Variants in LRBA observed in about 807,000 individuals in gnomAD.
LRBA encodes lipopolysaccharide-responsive and beige-like anchor protein.
In LRBA, 176 loss-of-function variants were observed where a neutral mutation model predicts 330.0. The ratio of observed to expected loss-of-function variants is 0.53; its 90% CI spans 0.47 to 0.60. LRBA has a LOEUF of 0.60. Ranked by LOEUF, LRBA falls within the 20% of genes least tolerant of loss-of-function variation. The pLI is 0.00. For missense variants in LRBA, 3,259 were observed against 3,444.8 expected (o/e 0.95, Z 1.35); for synonymous variants, 1,230 against 1,193.0 (o/e 1.03, Z -0.64).
chr4:150,903,592 T>C (rs1470669789), intron 13 of LRBA, among the ~76,000 whole-genome samples: 1 of 151,762 alleles, frequency 6.6e-6, no homozygotes, highest in Non-Finnish European at 1.5e-5. Flanking sequence ...ATACAAAAAT[T>C]AGCTGTGTGT....
chr4:150,608,765 T>C (rs2126563029), intron 37 of LRBA, among the ~76,000 whole-genome samples: 1 of 152,324 alleles, frequency 6.6e-6, no homozygotes, highest in Middle Eastern at 3.4e-3. Flanking sequence ...ACATCTTCCC[T>C]TCCTCCCAGC....
At chr4:150,532,904 A>C (rs1764197886) in intron 40 of LRBA, among the ~76,000 whole-genome samples, 1 of 152,166 alleles carries the variant, frequency 6.6e-6, no homozygotes, top group South Asian at 2.1e-4. Flanking sequence ...AAATACTGAG[A>C]GGAAAAAAAC....
chr4:150,758,572 C>CTTTTTTT (rs35416240), intron 35 of LRBA, among the ~76,000 whole-genome samples: 1 of 117,042 alleles, frequency 8.5e-6, no homozygotes, highest in African/African-American at 2.9e-5. Context: ...ATCTCTTTGT[C>CTTTTTTT]TTTTTTTTTT....
intron 17 of LRBA, among the ~76,000 whole-genome samples, chr4:150,883,253 G>A (rs555479438): frequency 6.6e-6 from 1 of 152,226 alleles, no homozygotes; most frequent in Admixed American, 6.5e-5. Flanking sequence ...TTGAGGTCAG[G>A]AGATCAAGAC....
At chr4:150,813,493 TAC>T (rs1744098410) in intron 31 of LRBA, among the ~76,000 whole-genome samples, 2 of 152,136 alleles carry the variant, frequency 1.3e-5, no homozygotes, top group Non-Finnish European at 2.9e-5. Flanking sequence ...GTATGTTAAT[TAC>T]AGTCTTAATA....
At chr4:150,382,035 G>C (rs928081737) in intron 47 of LRBA, among the ~76,000 whole-genome samples, 1 of 152,090 alleles carries the variant, frequency 6.6e-6, no homozygotes, top group Non-Finnish European at 1.5e-5. Flanking sequence ...AGTTGTAAGA[G>C]TCCCTTATAT....
In LRBA at chr4:150,431,712, A is replaced by G. The variant is rs1430041654; in HGVS notation, c.7041+3877T>C. On this transcript the variant is annotated intron_variant, in intron 46 of 56. Transcript: ENST00000651943. ...TCATTTAATTACATAAGTGGCTTAT[A>G]TTTGTGGTTTGTATTATATTTCCAT... Among the ~76,000 whole-genome samples, 3 of 152,266 alleles carry G rather than the reference A, an allele frequency of 2.0e-5. No individual in the cohort carries two copies. In the East Asian group the frequency reaches 5.8e-4, roughly 29 times the overall value.
At chr4:150,606,345 C>G (rs537027933) in intron 37 of LRBA, among the ~76,000 whole-genome samples, 1 of 152,036 alleles carries the variant, frequency 6.6e-6, no homozygotes, top group South Asian at 2.1e-4. Flanking sequence ...AACCAGAAGC[C>G]TTAAAGCTCA....
At chr4:150,797,453 T>A (rs1263171585) in intron 34 of LRBA, among the ~76,000 whole-genome samples, 1 of 151,906 alleles carries the variant, frequency 6.6e-6, no homozygotes, top group Admixed American at 6.5e-5. Flanking sequence ...TCTGTTTAAT[T>A]GCAAAACAGA....
At chr4:150,434,366 T>C (rs1283270043) in intron 46 of LRBA, among the ~76,000 whole-genome samples, 2 of 152,242 alleles carry the variant, frequency 1.3e-5, no homozygotes, top group Admixed American at 6.5e-5. Context: ...TGATCTTTCA[T>C]GCATATAGAT....
intron 2 of LRBA, among the ~76,000 whole-genome samples, chr4:150,984,870 A>G (rs1268728322): frequency 6.6e-6 from 1 of 152,230 alleles, no homozygotes; most frequent in Non-Finnish European, 1.5e-5. Flanking sequence ...AAAAAAACAT[A>G]CATATCACAA....
chr4:150,601,175 T>C (rs1478018551), intron 37 of LRBA, among the ~76,000 whole-genome samples: 3 of 152,218 alleles, frequency 2.0e-5, no homozygotes, highest in African/African-American at 7.2e-5. Context: ...TATGCTTCAG[T>C]ATTATGCAAA....
At chr4:150,663,145 T>C (rs1473667668) in intron 37 of LRBA, among the ~76,000 whole-genome samples, 1 of 152,220 alleles carries the variant, frequency 6.6e-6, no homozygotes, top group African/African-American at 2.4e-5. Flanking sequence ...CAGACCTTGA[T>C]ATAAAATTTA....
rs540298037 is a variant in LRBA, at chr4:150,761,619, A to C, written c.5645+164T>G. Among the ~76,000 whole-genome samples the C allele has an allele frequency of 4.2e-4, 64 of 152,118 alleles. 1 individual carries two copies. The South Asian group carries it at 0.012, about 30-fold the overall frequency. On this transcript the variant is annotated intron_variant, in intron 35 of 56. Transcript: ENST00000651943. ...AAGCTTGCATCTAAAGAAAATTATA[A>C]AATGGTTAAATATTAACATATACAT...
chr4:150,506,146 G>A (rs1417632230), intron 40 of LRBA, among the ~76,000 whole-genome samples: 2 of 152,180 alleles, frequency 1.3e-5, no homozygotes, highest in African/African-American at 4.8e-5. Flanking sequence ...TCTACCAGAG[G>A]TGCAAGGAGG....
chr4:150,685,413 TATATATA>T (rs1287104534), intron 36 of LRBA, among the ~76,000 whole-genome samples: 1 of 21,082 alleles, frequency 4.7e-5, no homozygotes, highest in South Asian at 2.4e-3. Flanking sequence ...TATATATATA[TATATATA>T]TTTTTTTTTT....
chr4:150,900,745 T>C (rs1369491744), intron 13 of LRBA, among the ~76,000 whole-genome samples: 2 of 152,046 alleles, frequency 1.3e-5, no homozygotes, highest in African/African-American at 4.8e-5. Context: ...TGAAGAATAT[T>C]AGAAAAACAG....
At chr4:150,465,354 C>G (rs1755311538) in intron 44 of LRBA, among the ~76,000 whole-genome samples, 1 of 152,076 alleles carries the variant, frequency 6.6e-6, no homozygotes. Flanking sequence ...TGTCACGCTG[C>G]TACAAATATG....
rs554937548 is a variant in LRBA, at chr4:150,866,007, C to T, written c.2766+1664G>A. On this transcript the variant is annotated intron_variant, in intron 22 of 56. Transcript: ENST00000651943. Reference sequence around the variant, plus strand: ...CTGGGATTACAGGCGTGAGCCACCACACCTGGCCAGAAATGGCAATATATT... The same window carrying T: ...CTGGGATTACAGGCGTGAGCCACCATACCTGGCCAGAAATGGCAATATATT... Among the ~76,000 whole-genome samples, 7 of 152,288 alleles carry T rather than the reference C, an allele frequency of 4.6e-5. 1 individual carries two copies. In the South Asian group the frequency reaches 8.3e-4, roughly 18 times the overall value.
Sources: gnomAD v4.1 joint callset for allele counts (sites outside exome capture counted in the v4.1 genomes callset) on GRCh38, gnomAD v4.1.1 for gene constraint, MANE v1.5 for transcripts, NCBI Gene and HGNC (gene_info 2026-07-23, HGNC 2026-07-21) for gene names.